SDCCAG8: variants seen among roughly 807,000 people sequenced by gnomAD.
The protein encoded by SDCCAG8 is SHH signaling and ciliogenesis regulator SDCCAG8.
SDCCAG8 carries 74 observed loss-of-function variants against 101.8 expected under a neutral mutation model. The ratio of observed to expected loss-of-function variants is 0.73; its 90% CI spans 0.60 to 0.88. The LOEUF is 0.88. Ranked by LOEUF, SDCCAG8 falls within the 40% of genes least tolerant of loss-of-function variation. The pLI is 0.00. For synonymous variants in SDCCAG8, 281 were observed against 292.9 expected (o/e 0.96, Z 0.41); for missense variants, 787 against 822.6 (o/e 0.96, Z 0.53).
At chr1:243,494,361 C>G (rs1444534312) in intron 17 of SDCCAG8, among the ~76,000 whole-genome samples, 1 of 152,224 alleles carries the variant, frequency 6.6e-6, no homozygotes, top group Non-Finnish European at 1.5e-5. Flanking sequence ...GTACAAGACA[C>G]TGTCAACCAA....
At chr1:243,341,342 C>T (rs944812810) in intron 11 of SDCCAG8, among the ~76,000 whole-genome samples, 169 bp downstream of exon 11, 1 of 152,188 alleles carries the variant, frequency 6.6e-6, no homozygotes, top group African/African-American at 2.4e-5. Flanking sequence ...AGCAAACATT[C>T]AGTTACTACA....
At chr1:243,344,391 G>A in intron 12 of SDCCAG8, 60 bp downstream of exon 12, 2 of 1,146,742 alleles carry the variant, frequency 1.7e-6, no homozygotes, top group Admixed American at 3.4e-5. Flanking sequence ...TCTTTCTCAA[G>A]TTGATGTTGT....
intron 12 of SDCCAG8, among the ~76,000 whole-genome samples, chr1:243,356,657 A>G (rs115096465): frequency 8.3e-4 from 124 of 149,022 alleles, no homozygotes; most frequent in African/African-American, 2.2e-3. Flanking sequence ...TGGTATGAAA[A>G]TCCCTTTTCC....
intron 16 of SDCCAG8, among the ~76,000 whole-genome samples, chr1:243,464,463 T>A (rs1048670176): frequency 6.6e-6 from 1 of 152,150 alleles, no homozygotes; most frequent in African/African-American, 2.4e-5. Flanking sequence ...TACTTAATAT[T>A]TCATCAGGCA....
intron 16 of SDCCAG8, among the ~76,000 whole-genome samples, chr1:243,439,684 TAG>T (rs1350289311): frequency 6.9e-6 from 1 of 144,186 alleles, no homozygotes; most frequent in Non-Finnish European, 1.5e-5. Context: ...AGCTATTCTG[TAG>T]AGATAGTAGT....
At chr1:243,483,535 C>T (rs922217241) in intron 16 of SDCCAG8, among the ~76,000 whole-genome samples, 11 of 152,202 alleles carry the variant, frequency 7.2e-5, no homozygotes, top group African/African-American at 1.2e-4. Context: ...TGCCTCCTCC[C>T]CAGCGGCTTC....
At chr1:243,442,721 A>G (rs1001331632) in intron 16 of SDCCAG8, among the ~76,000 whole-genome samples, 2 of 152,196 alleles carry the variant, frequency 1.3e-5, no homozygotes, top group Admixed American at 6.5e-5. Context: ...GAATCTTCCA[A>G]CACTGAAAGT....
chr1:243,476,008 AATCACTCTGATC>A, intron 16 of SDCCAG8: 1 of 985,454 alleles, frequency 1.0e-6, no homozygotes, highest in Non-Finnish European at 1.2e-6. Flanking sequence ...CAGCAGGCCT[AATCACTCTGATC>A]TGTCATGGAC....
At chr1:243,325,407 G>A (rs1477680659) in intron 9 of SDCCAG8, among the ~76,000 whole-genome samples, 2 of 151,856 alleles carry the variant, frequency 1.3e-5, no homozygotes, top group Non-Finnish European at 2.9e-5. Flanking sequence ...GCATTAAAAA[G>A]CCAGGTGGTA....
intron 16 of SDCCAG8, among the ~76,000 whole-genome samples, chr1:243,451,983 T>G (rs566431672): frequency 6.6e-6 from 1 of 152,290 alleles, no homozygotes; most frequent in Admixed American, 6.5e-5. Context: ...TGTGACCCAC[T>G]AAAGGGTCAT....
In SDCCAG8 at chr1:243,275,559, C is replaced by G. The variant is rs541862547; in HGVS notation, c.420+903C>G. Among the ~76,000 whole-genome samples, 42 of 152,208 alleles carry G rather than the reference C, an allele frequency of 2.8e-4. No individual in the cohort carries two copies. The South Asian group carries it at 6.8e-3, about 25-fold the overall frequency. On this transcript the variant is annotated intron_variant, in intron 4 of 17. Transcript: ENST00000366541. ...TGGAGGACACAGTTATTAATATACA[C>G]GTGGTCCTGGATTACCAGTAAAGCT...
In SDCCAG8 at chr1:243,416,854, T is replaced by C. The variant is rs937615730; in HGVS notation, c.1744+1025T>C. ...CTCTTCCAGAAAAATGTTGCTTAAT[T>C]TTAGTGCCTTGATTTATTTTGATTT... On this transcript the variant is annotated intron_variant, in intron 14 of 17. Coordinates refer to ENST00000366541, the MANE Select transcript of SDCCAG8 (RefSeq NM_006642.5). The surrounding 1 kb of genome is among the most constrained non-coding windows in gnomAD (Gnocchi z 4.3). Among the ~76,000 whole-genome samples the C allele has an allele frequency of 6.6e-6, 1 of 152,232 alleles. No individual in the cohort carries two copies. The highest frequency in any genetic ancestry group is 1.5e-5 in the Non-Finnish European group (1 of 68,038).
intron 11 of SDCCAG8, among the ~76,000 whole-genome samples, chr1:243,341,785 A>G (rs1021834392): frequency 2.0e-5 from 3 of 152,198 alleles, no homozygotes; most frequent in Non-Finnish European, 4.4e-5. Flanking sequence ...TTTACTGGCA[A>G]TGATTAAGAT....
intron 16 of SDCCAG8, among the ~76,000 whole-genome samples, chr1:243,437,094 A>T (rs1302568145): frequency 6.6e-6 from 1 of 152,218 alleles, no homozygotes; most frequent in Non-Finnish European, 1.5e-5. Flanking sequence ...AATTTTCATT[A>T]TCTTAACTCT....
At chr1:243,265,842 G>A (rs906443368) in intron 1 of SDCCAG8, among the ~76,000 whole-genome samples, 1 of 150,532 alleles carries the variant, frequency 6.6e-6, no homozygotes, top group Non-Finnish European at 1.5e-5. Context: ...TGCCTTTCTT[G>A]TAATCTGATG....
At chr1:243,307,687 A>G in intron 7 of SDCCAG8, 2 of 1,293,256 alleles carry the variant, frequency 1.5e-6, no homozygotes, top group South Asian at 1.8e-5. Context: ...TATAACATTA[A>G]TGGAGGTTGG....
intron 17 of SDCCAG8, among the ~76,000 whole-genome samples, chr1:243,494,605 G>A (rs766138081): frequency 5.3e-5 from 8 of 152,150 alleles, no homozygotes. Context: ...AAAGCGCATA[G>A]GGCTTCATTT....
chr1:243,330,044 T>C (rs560727634), intron 9 of SDCCAG8, among the ~76,000 whole-genome samples: 26 of 152,338 alleles, frequency 1.7e-4, no homozygotes, highest in African/African-American at 6.3e-4. Flanking sequence ...AACTTGATTA[T>C]TATATAGTAT....
intron 4 of SDCCAG8, among the ~76,000 whole-genome samples, chr1:243,280,662 G>A (rs984915819): frequency 1.3e-5 from 2 of 152,042 alleles, no homozygotes; most frequent in Non-Finnish European, 2.9e-5. Context: ...AATGGCTCTT[G>A]ATACTTCTTT....
Sources: gnomAD v4.1 joint callset for allele counts (sites outside exome capture counted in the v4.1 genomes callset) on GRCh38, gnomAD v4.1.1 for gene constraint, Gnocchi (gnomAD v3.1) non-coding constraint, MANE v1.5 for transcripts, NCBI Gene and HGNC (gene_info 2026-07-23, HGNC 2026-07-21) for gene names.